The following GNAZ variants were observed in gnomAD, a reference collection of about 807,000 sequenced individuals.
GNAZ encodes the protein G protein subunit alpha z.
In GNAZ, 3 loss-of-function variants were observed where a neutral mutation model predicts 25.4. The ratio of observed to expected loss-of-function variants is 0.12; its 90% CI spans 0.05 to 0.30. The LOEUF is 0.30. Among genes scored for constraint, GNAZ ranks in the 10% least tolerant of loss-of-function variants. The pLI, the probability that GNAZ is intolerant of heterozygous loss-of-function variation, is 1.00. For missense variants in GNAZ, 241 were observed against 501.8 expected, an observed-to-expected ratio of 0.48 and a Z score of 4.97; for synonymous variants, 211 against 205.7, an observed-to-expected ratio of 1.03 and a Z score of -0.22.
chr22:23,074,173 G>A (rs1397138079), intron 1 of GNAZ, among the ~76,000 whole-genome samples: 2 of 151,972 alleles, frequency 1.3e-5, no homozygotes, highest in Non-Finnish European at 2.9e-5. Context: ...AGAGACTGGA[G>A]CTGCCCTCCC....
At chr22:23,082,129 A>C (rs2068699031) in intron 1 of GNAZ, among the ~76,000 whole-genome samples, 3 of 119,828 alleles carry the variant, frequency 2.5e-5, no homozygotes, top group South Asian at 4.6e-4. Flanking sequence ...CGCCTCAAAA[A>C]AAAAACAAAA....
chr22:23,089,550 G>A (rs13433645), intron 1 of GNAZ, among the ~76,000 whole-genome samples: 6,558 of 152,216 alleles, frequency 0.043, 503 homozygotes, highest in African/African-American at 0.15. Context: ...AAGAGAGGTG[G>A]CAGCACTTTC....
intron 2 of GNAZ, among the ~76,000 whole-genome samples, chr22:23,099,811 A>G (rs1165960888): frequency 6.6e-6 from 1 of 152,214 alleles, no homozygotes; most frequent in Non-Finnish European, 1.5e-5. Context: ...GCCCACACTG[A>G]GGGACAGACA....
chr22:23,116,001 G>A (rs185038960), intron 2 of GNAZ, among the ~76,000 whole-genome samples: 18 of 152,344 alleles, frequency 1.2e-4, no homozygotes, highest in Non-Finnish European at 1.8e-4. Context: ...AAGGTGCCGC[G>A]CATGTGCCAG....
chr22:23,087,392 G>T (rs1297533703), intron 1 of GNAZ, among the ~76,000 whole-genome samples: 2 of 152,180 alleles, frequency 1.3e-5, no homozygotes, highest in Non-Finnish European at 2.9e-5. Context: ...TGAGCCCGGG[G>T]GGTTGAGGCT....
chr22:23,083,820 G>A (rs552934007), intron 1 of GNAZ, among the ~76,000 whole-genome samples: 194 of 152,350 alleles, frequency 1.3e-3, no homozygotes, highest in African/African-American at 4.3e-3. Context: ...CCTGTTCAAG[G>A]TCGCGCGGGC....
At chr22:23,088,581 C>T (rs2068879586) in intron 1 of GNAZ, among the ~76,000 whole-genome samples, 2 of 152,190 alleles carry the variant, frequency 1.3e-5, no homozygotes, top group South Asian at 4.1e-4. Context: ...ACAGGGGACT[C>T]CAGGACAGGG....
rs557620014 is a variant in GNAZ at position 23,119,501 on chromosome 22, T to C, written c.724-3586T>C. On this transcript the variant is annotated intron_variant, in intron 2 of 2. Coordinates refer to ENST00000615612, the MANE Select transcript of GNAZ (RefSeq NM_002073.4). ...AGGAACAAACCCACGATGCAGCTCC[T>C]GCCTCACTTGCTGGTCCATCAGCAC... Among the ~76,000 whole-genome samples, 7 of 152,374 alleles carry C rather than the reference T, an allele frequency of 4.6e-5. 1 individual carries two copies. In the East Asian group the frequency reaches 1.3e-3, roughly 29 times the overall value.
intron 1 of GNAZ, among the ~76,000 whole-genome samples, chr22:23,086,910 G>C (rs1569166813): frequency 3.3e-5 from 5 of 152,252 alleles, no homozygotes; most frequent in Admixed American, 2.6e-4. Context: ...GTCCAGGCCA[G>C]GCCCTGGGAA....
intron 1 of GNAZ, among the ~76,000 whole-genome samples, chr22:23,093,236 T>C (rs985659267): frequency 6.6e-6 from 1 of 152,254 alleles, no homozygotes; most frequent in Admixed American, 6.5e-5. Context: ...AGTGACTGTT[T>C]AATCACTGCC....
At chr22:23,118,348 C>T (rs1250173307) in intron 2 of GNAZ, among the ~76,000 whole-genome samples, 4 of 152,214 alleles carry the variant, frequency 2.6e-5, no homozygotes, top group Non-Finnish European at 5.9e-5. Flanking sequence ...GCAGACAAAC[C>T]CCAGCCTCCT....
intron 2 of GNAZ, among the ~76,000 whole-genome samples, chr22:23,109,252 GGCA>G (rs1311439554): frequency 6.6e-6 from 1 of 152,198 alleles, no homozygotes; most frequent in African/African-American, 2.4e-5. Flanking sequence ...AAGTGAGCCT[GGCA>G]GCAGAGCCGA....
At chr22:23,072,754 A>G (rs900094122) in intron 1 of GNAZ, among the ~76,000 whole-genome samples, 8 of 152,318 alleles carry the variant, frequency 5.3e-5, no homozygotes, top group East Asian at 1.9e-4. Flanking sequence ...GGTTTGGGAC[A>G]CAGGGAATGG....
chr22:23,089,219 C>T (rs376739104), intron 1 of GNAZ, among the ~76,000 whole-genome samples: 64 of 152,294 alleles, frequency 4.2e-4, no homozygotes, highest in Middle Eastern at 3.4e-3. Flanking sequence ...CTGGCTTAGC[C>T]GGCTTGGGCA....
At chr22:23,094,324 G>A (rs2069064245) in intron 1 of GNAZ, among the ~76,000 whole-genome samples, 1 of 152,140 alleles carries the variant, frequency 6.6e-6, no homozygotes, top group Admixed American at 6.5e-5. Context: ...GGGAGGCCTG[G>A]CCTAAGCACC....
chr22:23,095,109 G>A (rs75327073), intron 1 of GNAZ, 138 bp from the exon 2 acceptor site: 3,905 of 158,090 alleles, frequency 0.025, 170 homozygotes, highest in African/African-American at 0.09. Context: ...ATGGAGGAGA[G>A]GGGGTTGGAT....
chr22:23,096,672 G>A (rs1417317322), intron 2 of GNAZ, among the ~76,000 whole-genome samples: 1 of 152,192 alleles, frequency 6.6e-6, no homozygotes, highest in Non-Finnish European at 1.5e-5. Context: ...GTGAGGCTCC[G>A]CCGGGCATCC....
At position 23,124,968 on chromosome 22, in the gene GNAZ, G is replaced by A. The variant is rs906855152; in HGVS notation, c.*1537G>A. The A allele has an allele frequency of 6.6e-6, 1 of 152,398 alleles. No individual in the cohort carries two copies. Among genetic ancestry groups the A allele is most frequent in the African/African-American group, 2.4e-5 (1 of 41,456 alleles). 9.4% of individuals were successfully genotyped at this position (152,398 alleles called of 1,614,324 possible). Reference sequence around the variant, plus strand: ...CGTGAAGAGATGTACGGGGGAAAGAGAAGCTGGGGATTGGATGAAAGTCAA... The same window carrying A: ...CGTGAAGAGATGTACGGGGGAAAGAAAAGCTGGGGATTGGATGAAAGTCAA... On this transcript the variant is annotated 3_prime_UTR_variant, in exon 3 of 3. Coordinates refer to ENST00000615612, the MANE Select transcript of GNAZ (RefSeq NM_002073.4).
intron 1 of GNAZ, among the ~76,000 whole-genome samples, chr22:23,081,947 A>C (rs1487887000): frequency 6.6e-6 from 1 of 151,528 alleles, no homozygotes; most frequent in East Asian, 2.0e-4. Flanking sequence ...AACACAGTGA[A>C]ACCTCATCTC....
Sources: allele counts gnomAD v4.1 joint callset (sites outside exome capture counted in the v4.1 genomes callset), GRCh38; gene constraint gnomAD v4.1.1; transcripts MANE v1.5; gene names NCBI Gene and HGNC (gene_info 2026-07-23, HGNC 2026-07-21).